Variants in CHST3 observed in about 807,000 individuals in gnomAD.
CHST3 encodes the protein C6ST-1.
In CHST3, 20 loss-of-function variants were observed where a neutral mutation model predicts 35.4. That is an observed-to-expected ratio of 0.57 (90% confidence interval 0.40 to 0.82). The LOEUF is 0.82. CHST3 is among the 40% of genes least tolerant of loss of function. The probability of loss-of-function intolerance (pLI) is 0.00; values close to 1 mark genes in which losing one functional copy is unlikely to be tolerated. For synonymous variants in CHST3, 334 were observed against 295.9 expected (o/e 1.13, Z -1.32); for missense variants, 693 against 670.1 (o/e 1.03, Z -0.38).
intron 1 of CHST3, among the ~76,000 whole-genome samples, chr10:71,968,659 C>T (rs1450800702): frequency 2.0e-5 from 3 of 152,194 alleles, no homozygotes; most frequent in African/African-American, 4.8e-5. Context: ...TTCTTACTAA[C>T]GTGGTCCCAG....
At chr10:71,970,451 G>A (rs1049736654) in intron 1 of CHST3, among the ~76,000 whole-genome samples, 2 of 152,156 alleles carry the variant, frequency 1.3e-5, no homozygotes, top group Non-Finnish European at 2.9e-5. Context: ...GGCCAGCCCG[G>A]GATGTTCTTA....
chr10:72,006,776 A>G (rs912582770), intron 2 of CHST3, among the ~76,000 whole-genome samples: 1 of 152,168 alleles, frequency 6.6e-6, no homozygotes, highest in Admixed American at 6.5e-5. Context: ...CTGAGCAAGG[A>G]CCGTTCTAGC....
intron 1 of CHST3, among the ~76,000 whole-genome samples, chr10:71,968,539 T>C (rs1312982837): frequency 1.3e-5 from 2 of 152,180 alleles, no homozygotes; most frequent in Non-Finnish European, 2.9e-5. Context: ...GCAAAGCCAG[T>C]ATTTGAACCC....
At chr10:71,976,937 G>T (rs1839751252) in intron 1 of CHST3, among the ~76,000 whole-genome samples, 1 of 152,116 alleles carries the variant, frequency 6.6e-6, no homozygotes, top group South Asian at 2.1e-4. Flanking sequence ...TCTATGTGTG[G>T]TCTCTTTCCC....
In CHST3 at chr10:72,007,592, G is replaced by A; in HGVS notation, c.561G>A (p.Val187=). 1.2e-6 allele frequency: 2 copies of A among 1,609,428 alleles called. No homozygotes were observed. The highest frequency in any genetic ancestry group is 2.2e-5 in the East Asian group (1 of 44,862). Residue 187 remains valine (V), a synonymous_variant, in exon 3 of 3, where the codon GTG becomes GTA. Coordinates refer to ENST00000373115, the MANE Select transcript of CHST3 (RefSeq NM_004273.5). The part of the protein sequence containing the change: ...GGANAAGSAL[V]YRDVLKQLFL... ...CCAACGCCGCGGGCTCGGCCCTGGT[G>A]TACCGCGACGTGCTCAAGCAGCTCT...
chr10:72,000,333 C>T (rs1290727804), intron 1 of CHST3, among the ~76,000 whole-genome samples: 2 of 152,182 alleles, frequency 1.3e-5, no homozygotes, highest in Non-Finnish European at 2.9e-5. Flanking sequence ...AGATGAAGCT[C>T]TCCTCTCCCG....
rs1366243081 is a variant in CHST3, at chr10:72,007,274, C to T, written c.243C>T (p.Ser81=). The change falls in exon 3 of 3, where the codon AGC becomes AGT. Residue 81 remains serine, a synonymous_variant. Transcript: ENST00000373115. The part of the protein sequence containing the change: ...LAENASLLSL[S]ELDSAFSQLQ... ...AGAACGCATCTCTCTTGTCCCTGAG[C>T]GAGCTCGATTCAGCCTTCTCCCAGC... The T allele has an allele frequency of 6.2e-7, 1 of 1,614,172 alleles. No homozygotes were observed. Among genetic ancestry groups the T allele is most frequent in the East Asian group, 2.2e-5 (1 of 44,894 alleles).
chr10:71,982,029 G>T (rs1268398775), intron 1 of CHST3, among the ~76,000 whole-genome samples: 1 of 152,214 alleles, frequency 6.6e-6, no homozygotes, highest in Non-Finnish European at 1.5e-5. Flanking sequence ...AAGGAAGCAG[G>T]TGCTTATGGG....
At chr10:72,001,911 G>A (rs772219152) in intron 1 of CHST3, among the ~76,000 whole-genome samples, 6 of 152,320 alleles carry the variant, frequency 3.9e-5, no homozygotes, top group Middle Eastern at 3.4e-3. Flanking sequence ...ATACAAAGGT[G>A]TATCTGATGT....
At chr10:71,965,188 A>G (rs1288849289) in intron 1 of CHST3, among the ~76,000 whole-genome samples, 2 of 152,152 alleles carry the variant, frequency 1.3e-5, no homozygotes, top group Non-Finnish European at 2.9e-5. Flanking sequence ...AGGGGAGCAG[A>G]TGTTGCAGTC....
chr10:71,977,966 G>T (rs1222524756), intron 1 of CHST3, among the ~76,000 whole-genome samples: 1 of 152,200 alleles, frequency 6.6e-6, no homozygotes, highest in Admixed American at 6.5e-5. Context: ...GAAGCATTCA[G>T]CAATAGTAAC....
At chr10:71,981,552 C>A (rs550256303) in intron 1 of CHST3, among the ~76,000 whole-genome samples, 7 of 152,214 alleles carry the variant, frequency 4.6e-5, no homozygotes, top group South Asian at 4.1e-4. Context: ...TCCAGCCCCC[C>A]CAGGCAGCCA....
At chr10:71,979,563 G>A (rs1564525683) in intron 1 of CHST3, among the ~76,000 whole-genome samples, 1 of 152,168 alleles carries the variant, frequency 6.6e-6, no homozygotes, top group East Asian at 1.9e-4. Context: ...GGTGCTTTGG[G>A]CATCACCAGC....
Position 72,007,615 on chromosome 10 carries a change from T to C in CHST3, c.584T>C (p.Leu195Pro), listed in dbSNP as rs1474858390. ...GTGTACCGCGACGTGCTCAAGCAGC[T>C]CTTCCTGTGCGACCTGTACGTGCTG... ...ALVYRDVLKQLFLCDLYVLEH... is the reference protein window; with the variant it reads ...ALVYRDVLKQPFLCDLYVLEH... Residue 195 changes from leucine (L) to proline (P), a missense_variant, in exon 3 of 3, where the codon CTC (leucine) becomes CCC (proline). Physicochemically the swap from Leu to Pro is moderately conservative, Grantham distance 98. Coordinates refer to ENST00000373115, the MANE Select transcript of CHST3 (RefSeq NM_004273.5). The C allele has an allele frequency of 6.2e-7, 1 of 1,610,158 alleles. No homozygotes were observed. The highest frequency in any genetic ancestry group is 8.5e-7 in the Non-Finnish European group (1 of 1,179,630).
chr10:72,002,033 G>C (rs1564530658), intron 1 of CHST3, among the ~76,000 whole-genome samples: 1 of 152,158 alleles, frequency 6.6e-6, no homozygotes. Context: ...TCATGGCCCT[G>C]TGACTTCCTG....
rs756133268 is a variant in CHST3 at position 72,007,302 on chromosome 10, C to T, written c.271C>T (p.Gln91Ter). 8.1e-6 allele frequency: 13 copies of T among 1,613,408 alleles called. No individual in the cohort carries two copies. Among genetic ancestry groups the T allele is most frequent in the African/African-American group, 2.7e-5 (2 of 74,952 alleles). Residue 91 changes from glutamine to a stop codon, truncating the protein, a stop_gained, in exon 3 of 3, where the codon CAG becomes TAG. Transcript: ENST00000373115. LOFTEE classifies it high-confidence loss of function. ...GCTCGATTCAGCCTTCTCCCAGCTT[C>T]AGAGCCGTCTCCGCAACCTCAGCTT... ...SELDSAFSQL[Q>*]SRLRNLSLQL...
rs149569616 is a variant in CHST3 at position 72,007,310 on chromosome 10, T to C, written c.279T>C (p.Arg93=). The change falls in exon 3 of 3, where the codon CGT becomes CGC. Residue 93 remains arginine (R), a synonymous_variant. Transcript: ENST00000373115. ...CAGCCTTCTCCCAGCTTCAGAGCCG[T>C]CTCCGCAACCTCAGCTTGCAGCTGG... ...LDSAFSQLQS[R]LRNLSLQLGV... 1.4e-5 allele frequency: 23 copies of C among 1,612,802 alleles called. No individual in the cohort carries two copies. The highest frequency in any genetic ancestry group is 1.9e-5 in the Non-Finnish European group (23 of 1,179,546).
intron 1 of CHST3, among the ~76,000 whole-genome samples, chr10:71,981,918 A>G (rs1839804846): frequency 6.6e-6 from 1 of 152,224 alleles, no homozygotes; most frequent in African/African-American, 2.4e-5. Context: ...ATATTTTTTA[A>G]AAGCTCTCAG....
intron 1 of CHST3, among the ~76,000 whole-genome samples, chr10:71,965,391 G>T (rs1470809286): frequency 5.3e-5 from 8 of 152,232 alleles, no homozygotes; most frequent in Non-Finnish European, 1.2e-4. Flanking sequence ...AGACAGAAGG[G>T]TAGTGGCCGT....
Sources: gnomAD v4.1 joint callset for allele counts (sites outside exome capture counted in the v4.1 genomes callset) on GRCh38, gnomAD v4.1.1 for gene constraint, MANE v1.5 for transcripts, NCBI Gene and HGNC (gene_info 2026-07-23, HGNC 2026-07-21) for gene names.